The following PTPRA variants were observed in gnomAD, a reference collection of about 807,000 sequenced individuals.
The protein encoded by PTPRA is receptor-type tyrosine-protein phosphatase alpha.
In PTPRA, 25 loss-of-function variants were observed where a neutral mutation model predicts 104.8. The observed-to-expected ratio is 0.24, with a 90% CI of 0.17 to 0.33. PTPRA has a LOEUF of 0.33. Ranked by LOEUF, PTPRA falls within the 10% of genes least tolerant of loss-of-function variation. The probability of loss-of-function intolerance (pLI) is 1.00; values close to 1 mark genes in which losing one functional copy is unlikely to be tolerated. For missense variants in PTPRA, 765 were observed against 1,015.3 expected (o/e 0.75, Z 3.35); for synonymous variants, 323 against 368.9 (o/e 0.88, Z 1.43).
chr20:2,933,188 A>AT (rs1568659152), intron 2 of PTPRA, among the ~76,000 whole-genome samples: 1 of 152,094 alleles, frequency 6.6e-6, no homozygotes, highest in African/African-American at 2.4e-5. Context: ...ATACATGCCT[A>AT]TTTGAGAGGT....
At chr20:3,026,978 G>A in intron 18 of PTPRA, 143 bp from the exon 19 acceptor site, 2 of 1,033,512 alleles carry the variant, frequency 1.9e-6, no homozygotes, top group East Asian at 2.5e-5. Context: ...AAAAGCCAAA[G>A]GCTTTCTCCC....
Position 2,931,012 on chromosome 20 carries a change from G to A in PTPRA, c.-50+7727G>A, listed in dbSNP as rs1051066275. Among the ~76,000 whole-genome samples the A allele has an allele frequency of 7.9e-5, 12 of 152,306 alleles. 1 individual carries two copies. In the Middle Eastern group the frequency reaches 0.01, roughly 130 times the overall value. On this transcript the variant is annotated intron_variant, in intron 2 of 23. Coordinates refer to ENST00000399903, the MANE Select transcript of PTPRA (RefSeq NM_001385305.1). ...GGAAGACTCCTTGGGGATGGGGTTG[G>A]AGAGATGTTAGCTGCACTGGAAGTC...
At chr20:2,901,195 T>G (rs1188432288) in intron 1 of PTPRA, among the ~76,000 whole-genome samples, 2 of 152,070 alleles carry the variant, frequency 1.3e-5, no homozygotes, top group Non-Finnish European at 2.9e-5. Context: ...GGCCTCGAAC[T>G]CCTGACCTTG....
intron 2 of PTPRA, among the ~76,000 whole-genome samples, chr20:2,935,604 G>A (rs948347903): frequency 6.6e-6 from 1 of 151,462 alleles, no homozygotes; most frequent in African/African-American, 2.4e-5. Flanking sequence ...ACAGGGTCTC[G>A]CTGTGTCTCC....
At chr20:2,975,345 GTTGT>G (rs1466138426) in intron 6 of PTPRA, 104 bp downstream of exon 6, 1 of 1,052,378 alleles carries the variant, frequency 9.5e-7, no homozygotes, top group Non-Finnish European at 1.3e-6. Flanking sequence ...CTGTGGCTGT[GTTGT>G]TTGTTTACTT....
intron 7 of PTPRA, chr20:2,987,794 A>G: frequency 1.7e-6 from 1 of 593,362 alleles, no homozygotes; most frequent in South Asian, 1.7e-5. Flanking sequence ...GAGCCTGAAT[A>G]TACTGTTGGG....
intron 2 of PTPRA, among the ~76,000 whole-genome samples, chr20:2,938,968 A>C (rs1156369560): frequency 6.6e-6 from 1 of 152,170 alleles, no homozygotes; most frequent in Non-Finnish European, 1.5e-5. Flanking sequence ...GCATCCTAGC[A>C]CTTGGAATAT....
chr20:2,947,243 T>A (rs1480152237), intron 2 of PTPRA, among the ~76,000 whole-genome samples: 2 of 152,192 alleles, frequency 1.3e-5, no homozygotes, highest in Non-Finnish European at 2.9e-5. Flanking sequence ...TTGTAGAGCT[T>A]AAATTTCCTC....
At chr20:2,931,314 A>T (rs1317296058) in intron 2 of PTPRA, among the ~76,000 whole-genome samples, 12 of 152,176 alleles carry the variant, frequency 7.9e-5, no homozygotes, top group Non-Finnish European at 2.9e-5. Flanking sequence ...ATTTCGAAAA[A>T]GTAGTATGTA....
At chr20:2,870,242 C>T (rs1251133924), upstream of PTPRA, among the ~76,000 whole-genome samples, 4 of 152,044 alleles carry the variant, frequency 2.6e-5, no homozygotes, top group African/African-American at 4.8e-5. Context: ...GTGGCGCATG[C>T]CTGTAATCCC....
At chr20:2,942,946 A>G (rs1198067696) in intron 2 of PTPRA, among the ~76,000 whole-genome samples, 1 of 151,996 alleles carries the variant, frequency 6.6e-6, no homozygotes, top group East Asian at 1.9e-4. Context: ...GTAAAAAATT[A>G]ACAATAACTA....
At chr20:2,882,578 G>A (rs561147026) in intron 1 of PTPRA, among the ~76,000 whole-genome samples, 26 of 152,166 alleles carry the variant, frequency 1.7e-4, no homozygotes, top group African/African-American at 6.3e-4. Context: ...ACAGGCATGA[G>A]CCACCGTGCC....
intron 19 of PTPRA, among the ~76,000 whole-genome samples, 191 bp downstream of exon 19, chr20:3,027,388 A>G (rs1017601261): frequency 2.8e-5 from 4 of 144,818 alleles, no homozygotes; most frequent in Admixed American, 6.9e-5. Flanking sequence ...AAGGTGGGGG[A>G]AAACAGATGG....
intron 3 of PTPRA, 90 bp from the exon 4 acceptor site, chr20:2,964,182 C>A: frequency 9.2e-7 from 1 of 1,087,314 alleles, no homozygotes; most frequent in Non-Finnish European, 1.4e-6. Context: ...ATTTTAATAG[C>A]TTGGAAATCC....
rs142085005 is a variant in PTPRA at position 3,031,227 on chromosome 20, A to T, written c.1920+3386A>T. Among the ~76,000 whole-genome samples, 40 of 152,036 alleles carry T rather than the reference A, an allele frequency of 2.6e-4. No homozygotes were observed. The East Asian group carries it at 6.9e-3, about 26-fold the overall frequency. ...ATGTCCGCCTTAGACCTCATAAGAG[A>T]CATAAGACATAAGAGACTTCATGCT... is the stretch of plus-strand genomic sequence containing the variant. On this transcript the variant is annotated intron_variant, in intron 20 of 23. Transcript: ENST00000399903.
Position 2,921,860 on chromosome 20 carries a change from A to G in PTPRA, c.-128-1347A>G, listed in dbSNP as rs558759592. Among the ~76,000 whole-genome samples, 413 of 152,328 alleles carry G rather than the reference A, an allele frequency of 2.7e-3. 2 individuals carry two copies. Among genetic ancestry groups the G allele is most frequent in the African/African-American group, 9.4e-3 (389 of 41,584 alleles). ...GAGGTAGAAATGGCTAGGCTCTTGT[A>G]CTACCACTTTGCACAGTCATTGACT... On this transcript the variant is annotated intron_variant, in intron 1 of 23. Transcript: ENST00000399903.
chr20:2,887,522 G>A (rs1469121247), intron 1 of PTPRA, among the ~76,000 whole-genome samples: 1 of 152,126 alleles, frequency 6.6e-6, no homozygotes. Flanking sequence ...AGAGGCATTA[G>A]GGTTCTAGAT....
chr20:2,958,720 G>A (rs1218699308), intron 3 of PTPRA, among the ~76,000 whole-genome samples: 17 of 146,016 alleles, frequency 1.2e-4, no homozygotes, highest in Middle Eastern at 3.5e-3. Context: ...GGTGGCACGC[G>A]CCTGTAATCC....
In PTPRA at chr20:2,950,574, C is replaced by T. The variant is rs1021995407; in HGVS notation, c.-7+2550C>T. ...AGGAGAATGGCGTGAACCCAGGAGGCGGAGGTTGCAGTGAGCCGAGATCGC... is the reference window on the plus strand; with the variant it reads ...AGGAGAATGGCGTGAACCCAGGAGGTGGAGGTTGCAGTGAGCCGAGATCGC... On this transcript the variant is annotated intron_variant, in intron 3 of 23. Transcript: ENST00000399903. This position sits in a 1 kb window ranked among gnomAD's most constrained non-coding sequence, Gnocchi z 4.0. Among the ~76,000 whole-genome samples, 1 of 151,170 alleles carries T rather than the reference C, an allele frequency of 6.6e-6. No individual in the cohort carries two copies. Among genetic ancestry groups the T allele is most frequent in the Admixed American group, 6.6e-5 (1 of 15,140 alleles).
Sources: gnomAD v4.1 joint callset for allele counts (sites outside exome capture counted in the v4.1 genomes callset) on GRCh38, gnomAD v4.1.1 for gene constraint, Gnocchi (gnomAD v3.1) non-coding constraint, MANE v1.5 for transcripts, NCBI Gene and HGNC (gene_info 2026-07-23, HGNC 2026-07-21) for gene names.